Variants in COPG2 observed in about 807,000 individuals in gnomAD.
The protein encoded by COPG2 is coat protein complex I subunit gamma 2, also known as coatomer subunit gamma-2.
Under a neutral mutation model 46.3 loss-of-function variants are expected in COPG2, and 37 were observed. The observed-to-expected ratio is 0.80, with a 90% CI of 0.61 to 1.05. The LOEUF (loss-of-function observed/expected upper bound fraction) is 1.05. Ranked by LOEUF, COPG2 falls within the 50% of genes least tolerant of loss-of-function variation. The pLI, the probability that COPG2 is intolerant of heterozygous loss-of-function variation, is 0.00. For synonymous variants in COPG2, 159 were observed against 129.7 expected (o/e 1.23, Z -1.53); for missense variants, 427 against 387.8 (o/e 1.10, Z -0.85).
chr7:130,621,662 T>C (rs148074151), intron 5 of COPG2, among the ~76,000 whole-genome samples: 12 of 151,872 alleles, frequency 7.9e-5, no homozygotes, highest in African/African-American at 2.7e-4. Context: ...TATAAAAAAC[T>C]GGCCAGACGC....
chr7:130,597,388 G>T (rs1794550133), intron 9 of COPG2, among the ~76,000 whole-genome samples: 1 of 152,192 alleles, frequency 6.6e-6, no homozygotes, highest in Non-Finnish European at 1.5e-5. Context: ...AAGTTATGGA[G>T]GGGTTCTGGG....
chr7:130,515,291 G>A (rs1300777686), intron 20 of COPG2, among the ~76,000 whole-genome samples: 4 of 152,182 alleles, frequency 2.6e-5, no homozygotes, highest in Non-Finnish European at 5.9e-5. Flanking sequence ...ATGGCGGCAG[G>A]TGAATGGTGG....
intron 7 of COPG2, among the ~76,000 whole-genome samples, chr7:130,613,008 C>T (rs1794880861): frequency 1.3e-5 from 2 of 152,182 alleles, no homozygotes; most frequent in African/African-American, 4.8e-5. Context: ...TTTCCAAAAC[C>T]TTTCAAACAT....
chr7:130,531,047 G>C (rs1043727973), intron 20 of COPG2, among the ~76,000 whole-genome samples: 2,351 of 148,896 alleles, frequency 0.016, 71 homozygotes, highest in African/African-American at 0.056. Context: ...CGGATCCGGT[G>C]GGGAAGGGTG....
intron 5 of COPG2, among the ~76,000 whole-genome samples, chr7:130,641,567 G>C (rs1795489612): frequency 6.6e-6 from 1 of 152,154 alleles, no homozygotes; most frequent in African/African-American, 2.4e-5. Context: ...AAAGAGGTCA[G>C]GTAAAATGTG....
chr7:130,666,014 T>C (rs1385578369), intron 3 of COPG2, among the ~76,000 whole-genome samples: 1 of 152,188 alleles, frequency 6.6e-6, no homozygotes, highest in African/African-American at 2.4e-5. Flanking sequence ...AGGAAAACTA[T>C]TCCTGAATGC....
intron 20 of COPG2, among the ~76,000 whole-genome samples, chr7:130,512,173 G>A (rs558631518): frequency 1.3e-5 from 2 of 151,884 alleles, no homozygotes; most frequent in South Asian, 2.1e-4. Flanking sequence ...GGCAGAGGTT[G>A]TGGTAAGCCG....
At chr7:130,532,114 G>C (rs1259755092) in intron 20 of COPG2, among the ~76,000 whole-genome samples, 2 of 152,214 alleles carry the variant, frequency 1.3e-5, no homozygotes, top group African/African-American at 4.8e-5. Context: ...GAAGACGCAC[G>C]TGCAGCAGGG....
chr7:130,577,158 A>G (rs139617521), intron 9 of COPG2, among the ~76,000 whole-genome samples: 9 of 152,318 alleles, frequency 5.9e-5, no homozygotes, highest in East Asian at 1.9e-4. Context: ...AATGATTGAG[A>G]AGGAGGAGCC....
intron 20 of COPG2, among the ~76,000 whole-genome samples, chr7:130,521,642 CG>C (rs1394105082): frequency 2.0e-5 from 3 of 152,118 alleles, no homozygotes; most frequent in African/African-American, 7.2e-5. Flanking sequence ...CCACTATAAT[CG>C]TATCATATGG....
intron 20 of COPG2, among the ~76,000 whole-genome samples, chr7:130,531,410 G>T (rs1192771925): frequency 6.6e-6 from 1 of 152,098 alleles, no homozygotes; most frequent in Non-Finnish European, 1.5e-5. Context: ...GATCAAAAGG[G>T]AAGTCTCTTA....
At chr7:130,522,671 T>C (rs1799733763) in intron 20 of COPG2, among the ~76,000 whole-genome samples, 1 of 151,672 alleles carries the variant, frequency 6.6e-6, no homozygotes, top group Non-Finnish European at 1.5e-5. Context: ...GAAAAGGAAA[T>C]GTGCAAAAGA....
At chr7:130,600,529 C>T (rs1297383295) in intron 9 of COPG2, among the ~76,000 whole-genome samples, 1 of 152,162 alleles carries the variant, frequency 6.6e-6, no homozygotes, top group Non-Finnish European at 1.5e-5. Context: ...TCCCAAAGTG[C>T]TAGGATTACA....
At chr7:130,510,928 A>C (rs1554440935) in intron 20 of COPG2, 1 of 520,096 alleles carries the variant, frequency 1.9e-6, no homozygotes, top group Non-Finnish European at 3.8e-6. Flanking sequence ...AAAGCAAGGC[A>C]AATACCAAAG....
intron 5 of COPG2, among the ~76,000 whole-genome samples, chr7:130,630,782 A>T (rs1280287396): frequency 6.6e-6 from 1 of 152,194 alleles, no homozygotes; most frequent in Non-Finnish European, 1.5e-5. Context: ...TACAGTTAGC[A>T]TGGTATATCT....
In COPG2 at chr7:130,603,021, T is replaced by C. The variant is rs149405742; in HGVS notation, c.737+7932A>G. The stretch of plus-strand genomic sequence containing the variant: ...AAACATCAATTCAGAATTATCAACT[T>C]TTCTACCCCAAATAAGAACCATCCA... On this transcript the variant is annotated intron_variant, in intron 9 of 23. Transcript: ENST00000425248. 1.2e-3 allele frequency: 180 copies of C among 152,254 alleles called. 2 individuals are homozygous for C. Among genetic ancestry groups the C allele is most frequent in the African/African-American group, 3.9e-3 (163 of 41,546 alleles). The allele number at this position is 152,254 out of a possible 1,614,324, so 9.4% of individuals were successfully genotyped here.
At chr7:130,628,367 T>C (rs1795159009) in intron 5 of COPG2, among the ~76,000 whole-genome samples, 1 of 152,174 alleles carries the variant, frequency 6.6e-6, no homozygotes, top group Admixed American at 6.5e-5. Context: ...TTATACTTCT[T>C]TAAATTTTTT....
At chr7:130,598,892 C>T (rs1300634404) in intron 9 of COPG2, among the ~76,000 whole-genome samples, 1 of 152,174 alleles carries the variant, frequency 6.6e-6, no homozygotes, top group South Asian at 2.1e-4. Flanking sequence ...TAGTAGCTAT[C>T]CTCTTATTAT....
At chr7:130,576,480 A>G (rs948354143) in intron 9 of COPG2, among the ~76,000 whole-genome samples, 1 of 152,246 alleles carries the variant, frequency 6.6e-6, no homozygotes, top group African/African-American at 2.4e-5. Flanking sequence ...TTGGGTCAAC[A>G]TGAAATCAAG....
Sources: gnomAD v4.1 joint callset for allele counts (sites outside exome capture counted in the v4.1 genomes callset) on GRCh38, gnomAD v4.1.1 for gene constraint, MANE v1.5 for transcripts, NCBI Gene and HGNC (gene_info 2026-07-23, HGNC 2026-07-21) for gene names.